Variants in ADCY1 observed in about 807,000 individuals in gnomAD.
The protein encoded by ADCY1 is adenylate cyclase 1, also known as adenylate cyclase type 1.
Under a neutral mutation model 105.4 loss-of-function variants are expected in ADCY1, and 28 were observed. The ratio of observed to expected loss-of-function variants is 0.27; its 90% CI spans 0.20 to 0.36. The LOEUF is 0.36. Among genes scored for constraint, ADCY1 ranks in the 10% least tolerant of loss-of-function variants. ADCY1 has a pLI of 1.00. For missense variants in ADCY1, 977 were observed against 1,434.2 expected (o/e 0.68, Z 5.15); for synonymous variants, 655 against 623.8 (o/e 1.05, Z -0.75).
At chr7:45,667,098 A>T (rs947846598) in intron 8 of ADCY1, among the ~76,000 whole-genome samples, 2 of 152,210 alleles carry the variant, frequency 1.3e-5, no homozygotes, top group African/African-American at 4.8e-5. Flanking sequence ...CTCTACTGGT[A>T]GTTTCTTTTG....
chr7:45,582,215 G>A (rs1485932322), intron 1 of ADCY1, among the ~76,000 whole-genome samples: 3 of 152,240 alleles, frequency 2.0e-5, no homozygotes, highest in Non-Finnish European at 4.4e-5. Flanking sequence ...TTACTAATAT[G>A]TGGGTCTTTT....
chr7:45,686,120 T>C lies in ADCY1; in HGVS notation c.2232T>C (p.Phe744=). 1.9e-6 allele frequency: 3 copies of C among 1,614,112 alleles called. No homozygotes were observed. Among genetic ancestry groups the C allele is most frequent in the South Asian group, 2.2e-5 (2 of 91,068 alleles). ...TGGGCACCCTCCCGCTAGCCATATTTTTCCGGGTGTCCTCCTTGCCAAAAA... is the reference window on the plus strand; with the variant it reads ...TGGGCACCCTCCCGCTAGCCATATTCTTCCGGGTGTCCTCCTTGCCAAAAA... ...CLVGTLPLAI[F]FRVSSLPKMI... Residue 744 remains phenylalanine (F), a synonymous_variant, in exon 13 of 20, where the codon TTT becomes TTC. Coordinates refer to ENST00000297323, the MANE Select transcript of ADCY1 (RefSeq NM_021116.4). The surrounding 1 kb of genome is among the most constrained non-coding windows in gnomAD (Gnocchi z 4.3).
intron 8 of ADCY1, among the ~76,000 whole-genome samples, chr7:45,663,449 G>A (rs1009210227): frequency 2.0e-5 from 3 of 152,194 alleles, no homozygotes; most frequent in African/African-American, 7.2e-5. Flanking sequence ...AGGGGTGTGG[G>A]AGCCAGGGCA....
chr7:45,605,931 T>TACA (rs1334669911), intron 2 of ADCY1, among the ~76,000 whole-genome samples: 1 of 152,170 alleles, frequency 6.6e-6, no homozygotes, highest in Non-Finnish European at 1.5e-5. Context: ...AGCCTCTGTA[T>TACA]ATTATTTGGA....
rs1406104539 is a variant in ADCY1 at position 45,647,975 on chromosome 7, C to A, written c.1021-695C>A. On this transcript the variant is annotated intron_variant, in intron 4 of 19. Transcript: ENST00000297323. The surrounding 1 kb of genome is among the most constrained non-coding windows in gnomAD (Gnocchi z 4.6). Reference sequence around the variant, plus strand: ...AATGTTGTCCCTGAAATAAACACAACAGTCGTGATGATAATCCCAGTTGAC... The same window carrying A: ...AATGTTGTCCCTGAAATAAACACAAAAGTCGTGATGATAATCCCAGTTGAC... Among the ~76,000 whole-genome samples the A allele has an allele frequency of 6.6e-6, 1 of 152,200 alleles. No homozygotes were observed. Among genetic ancestry groups the A allele is most frequent in the Non-Finnish European group, 1.5e-5 (1 of 68,038 alleles).
At chr7:45,701,998 T>C (rs1385174354) in intron 14 of ADCY1, among the ~76,000 whole-genome samples, 1 of 152,212 alleles carries the variant, frequency 6.6e-6, no homozygotes, top group Non-Finnish European at 1.5e-5. Flanking sequence ...GCTGGCATTG[T>C]CTTCCCAGAA....
At chr7:45,663,818 C>CAAAA (rs200786032) in intron 8 of ADCY1, among the ~76,000 whole-genome samples, 1 of 132,790 alleles carries the variant, frequency 7.5e-6, no homozygotes. Context: ...GACGGTGTCT[C>CAAAA]AAAAAAAAAA....
intron 8 of ADCY1, among the ~76,000 whole-genome samples, chr7:45,665,685 A>C (rs189820779): frequency 6.6e-6 from 1 of 152,244 alleles, no homozygotes; most frequent in Non-Finnish European, 1.5e-5. Flanking sequence ...TAATGCAAAT[A>C]GAAGTTTATC....
At chr7:45,617,496 C>G (rs537468663) in intron 3 of ADCY1, among the ~76,000 whole-genome samples, 1 of 152,240 alleles carries the variant, frequency 6.6e-6, no homozygotes, top group South Asian at 2.1e-4. Flanking sequence ...GGGGCTGACC[C>G]CACTTTCCCC....
intron 4 of ADCY1, among the ~76,000 whole-genome samples, chr7:45,631,705 T>C (rs541703496): frequency 6.6e-6 from 1 of 152,352 alleles, no homozygotes; most frequent in South Asian, 2.1e-4. Flanking sequence ...ATGTGAATTC[T>C]GTAGCTTTAC....
In ADCY1 at chr7:45,718,148, C is replaced by T. The variant is rs764326120; in HGVS notation, c.*4153C>T. On this transcript the variant is annotated 3_prime_UTR_variant, in exon 20 of 20. Transcript: ENST00000297323. ...TAAACCCCGATCAGGTCATTGTCAC[C>T]ACACCCTTGCTTGGATGAGGAAGGA... 20 of 152,250 alleles carry T rather than the reference C, an allele frequency of 1.3e-4. No individual in the cohort carries two copies. Among genetic ancestry groups the T allele is most frequent in the Admixed American group, 2.6e-4 (4 of 15,284 alleles). 9.4% of individuals were successfully genotyped at this position (152,250 alleles called of 1,614,324 possible). A position where few individuals can be genotyped will look rare whatever the true frequency, so the allele number is the denominator to read the frequency against.
chr7:45,601,718 G>A (rs953593331), intron 2 of ADCY1, among the ~76,000 whole-genome samples: 3 of 152,112 alleles, frequency 2.0e-5, no homozygotes, highest in African/African-American at 7.2e-5. Flanking sequence ...TGGCCTCTTT[G>A]TGTGTGCATC....
In ADCY1 at chr7:45,647,714, C is replaced by T. The variant is rs1477637922; in HGVS notation, c.1021-956C>T. ...AGAAGTGGACTGCAATACTGTGCTT[C>T]TCACTCATTGTCTTTTGTTTGGGGA... On this transcript the variant is annotated intron_variant, in intron 4 of 19. Coordinates refer to ENST00000297323, the MANE Select transcript of ADCY1 (RefSeq NM_021116.4). This position sits in a 1 kb window ranked among gnomAD's most constrained non-coding sequence, Gnocchi z 4.6. Among the ~76,000 whole-genome samples the T allele has an allele frequency of 6.6e-6, 1 of 152,182 alleles. No homozygotes were observed. Among genetic ancestry groups the T allele is most frequent in the Non-Finnish European group, 1.5e-5 (1 of 68,028 alleles).
chr7:45,705,329 A>T (rs1785094169), intron 17 of ADCY1, among the ~76,000 whole-genome samples: 1 of 152,222 alleles, frequency 6.6e-6, no homozygotes, highest in Non-Finnish European at 1.5e-5. Context: ...CCCAACAAAT[A>T]TTAGCACATT....
intron 3 of ADCY1, among the ~76,000 whole-genome samples, chr7:45,610,797 TGGGGAGGTGATG>T (rs1793536246): frequency 5.3e-5 from 1 of 18,848 alleles, no homozygotes; most frequent in African/African-American, 2.1e-4. Context: ...ATGGTGGAGG[TGGGGAGGTGATG>T]GTGGAGGTAT....
intron 14 of ADCY1, among the ~76,000 whole-genome samples, chr7:45,698,160 C>G (rs1206542087): frequency 1.9e-4 from 28 of 146,888 alleles, no homozygotes; most frequent in Admixed American, 1.8e-3. Context: ...CACACATACT[C>G]TCTTACACAC....
At chr7:45,695,309 CATTT>C (rs1427648781) in intron 14 of ADCY1, among the ~76,000 whole-genome samples, 1 of 152,160 alleles carries the variant, frequency 6.6e-6, no homozygotes, top group Non-Finnish European at 1.5e-5. Flanking sequence ...TTCATGTGGC[CATTT>C]AAGTGTCTTT....
chr7:45,663,038 G>A (rs1035643852), intron 8 of ADCY1, among the ~76,000 whole-genome samples: 3 of 152,236 alleles, frequency 2.0e-5, no homozygotes, highest in Admixed American at 6.5e-5. Context: ...GGCATGGCAG[G>A]CAGGTAGTCT....
intron 14 of ADCY1, among the ~76,000 whole-genome samples, chr7:45,695,363 G>A (rs765231268): frequency 1.3e-5 from 2 of 152,126 alleles, no homozygotes; most frequent in Non-Finnish European, 2.9e-5. Flanking sequence ...AACAGGTGAG[G>A]GCCAAAGTAA....
Sources: gnomAD v4.1 joint callset for allele counts (sites outside exome capture counted in the v4.1 genomes callset) on GRCh38, gnomAD v4.1.1 for gene constraint, Gnocchi (gnomAD v3.1) non-coding constraint, MANE v1.5 for transcripts, NCBI Gene and HGNC (gene_info 2026-07-23, HGNC 2026-07-21) for gene names.